SPATA13: variants seen among roughly 807,000 people sequenced by gnomAD.
The protein encoded by SPATA13 is spermatogenesis associated 13.
A neutral mutation model predicts 104.0 loss-of-function variants in SPATA13; 50 were observed. The observed-to-expected ratio is 0.48, with a 90% CI of 0.38 to 0.61. The LOEUF (loss-of-function observed/expected upper bound fraction) is 0.61, where lower values mean the gene tolerates loss of function less well. Ranked by LOEUF, SPATA13 falls within the 20% of genes least tolerant of loss-of-function variation. The pLI is 0.00. For missense variants in SPATA13, 1,524 were observed against 1,690.6 expected (o/e 0.90, Z 1.73); for synonymous variants, 606 against 667.5 (o/e 0.91, Z 1.42).
intron 3 of SPATA13, among the ~76,000 whole-genome samples, chr13:24,027,134 G>GTT (rs59906180): frequency 0.51 from 57,151 of 111,928 alleles, 15,693 homozygotes; most frequent in South Asian, 0.55. Flanking sequence ...TTGTTTAGCC[G>GTT]TTTTTTTTTT....
chr13:24,211,034 T>C (rs1870984308), intron 1 of SPATA13, among the ~76,000 whole-genome samples: 1 of 152,214 alleles, frequency 6.6e-6, no homozygotes, highest in Non-Finnish European at 1.5e-5. Context: ...TTGATTTCTT[T>C]TCAGATAGTA....
At chr13:24,254,649 C>T (rs1873690525) in intron 4 of SPATA13, among the ~76,000 whole-genome samples, 1 of 152,098 alleles carries the variant, frequency 6.6e-6, no homozygotes, top group Non-Finnish European at 1.5e-5. Flanking sequence ...AAATCACCAC[C>T]CCCTCTATTA....
intron 3 of SPATA13, among the ~76,000 whole-genome samples, chr13:24,077,185 A>C (rs191729565): frequency 3.6e-4 from 54 of 150,512 alleles, no homozygotes; most frequent in Middle Eastern, 7.1e-3. Flanking sequence ...GTTCCATTCC[A>C]TAAGTTATCT....
In SPATA13 at chr13:24,165,900, C is replaced by G. The variant is rs527629121; in HGVS notation, c.-112+4968C>G. On this transcript the variant is annotated intron_variant, in intron 1 of 12. Transcript: ENST00000382108. ...AGAGATTGGTAAATGTGCCCTGAGT[C>G]CTAAACAACTTGCACATGTACTTTT... Among the ~76,000 whole-genome samples the G allele has an allele frequency of 2.8e-4, 42 of 152,272 alleles. No individual in the cohort carries two copies. The South Asian group carries it at 4.2e-3, about 15-fold the overall frequency.
At chr13:24,294,703 A>G (rs745991887) in intron 9 of SPATA13, 36 bp from the exon 10 acceptor site, 19 of 1,564,704 alleles carry the variant, frequency 1.2e-5, no homozygotes, top group Non-Finnish European at 1.6e-5. Context: ...TGTAAGGTGC[A>G]TGTTATGTGA....
At chr13:24,078,292 C>A (rs1000065329) in intron 3 of SPATA13, among the ~76,000 whole-genome samples, 1 of 152,150 alleles carries the variant, frequency 6.6e-6, no homozygotes, top group Admixed American at 6.5e-5. Context: ...CTGACCCAAC[C>A]ATTTACTAGT....
chr13:24,052,584 G>C (rs1408861710), intron 3 of SPATA13, among the ~76,000 whole-genome samples: 1 of 151,266 alleles, frequency 6.6e-6, no homozygotes, highest in Non-Finnish European at 1.5e-5. Flanking sequence ...TCACCCTCCC[G>C]TTTCCAGATG....
chr13:24,149,392 G>A (rs1430091973), intron 3 of SPATA13, among the ~76,000 whole-genome samples: 2 of 152,180 alleles, frequency 1.3e-5, no homozygotes, highest in Admixed American at 1.3e-4. Flanking sequence ...CTCACTGTGG[G>A]CTGTGGTCGG....
chr13:24,051,284 G>T lies in SPATA13; in HGVS notation c.-112+33583G>T, dbSNP rs1051312398. 6.6e-6 allele frequency among the ~76,000 whole-genome samples: 1 copy of T among 152,198 alleles called. No homozygotes were observed. The highest frequency in any genetic ancestry group is 6.5e-5 in the Admixed American group (1 of 15,276). On this transcript the variant is annotated intron_variant, in intron 3 of 14. Coordinates refer to the SPATA13 transcript ENST00000424834. The surrounding 1 kb of genome is among the most constrained non-coding windows in gnomAD (Gnocchi z 4.2). The stretch of plus-strand genomic sequence containing the variant: ...AGTGATTTCCAATCACGTTGGACAT[G>T]CTGTGCCTGCAGCCGGCAGGACTTC...
chr13:24,177,014 C>T (rs1353349480), intron 1 of SPATA13, among the ~76,000 whole-genome samples: 1 of 152,202 alleles, frequency 6.6e-6, no homozygotes, highest in Non-Finnish European at 1.5e-5. Flanking sequence ...ATCCACCAGC[C>T]TTGGCCTCCC....
Position 24,160,910 on chromosome 13 carries a change from TCCGCCAAGAGGCG to T in SPATA13, c.-129_-117del. Reference sequence around the variant, plus strand: ...TGTTGGACACGCTGACTTTGTAGGCTCCGCCAAGAGGCGCCGCAGGAGGTAAGACGGCTTCGGG... The same window carrying T: ...TGTTGGACACGCTGACTTTGTAGGCTCCGCAGGAGGTAAGACGGCTTCGGG... On this transcript the variant is annotated 5_prime_UTR_variant, in exon 1 of 13. Coordinates refer to ENST00000382108, the MANE Select transcript of SPATA13 (RefSeq NM_001166271.3). The T allele has an allele frequency of 1.0e-6, 1 of 985,502 alleles. No individual in the cohort carries two copies. Among genetic ancestry groups the T allele is most frequent in the Middle Eastern group, 5.2e-4 (1 of 1,914 alleles). The allele number at this position is 985,502 out of a possible 1,614,324, so 61.0% of individuals were successfully genotyped here.
chr13:24,264,034 G>T (rs1474693257), intron 4 of SPATA13, among the ~76,000 whole-genome samples: 1 of 152,216 alleles, frequency 6.6e-6, no homozygotes, highest in African/African-American at 2.4e-5. Context: ...TAGCTCCATA[G>T]CAGTTATCTT....
chr13:24,194,464 C>T (rs9511133), intron 1 of SPATA13, among the ~76,000 whole-genome samples: 65,100 of 151,962 alleles, frequency 0.43, 16,101 homozygotes, highest in Non-Finnish European at 0.56. Flanking sequence ...AGCGAACCAT[C>T]CAGCTCTGTG....
At chr13:24,173,379 T>C (rs1883071281) in intron 1 of SPATA13, among the ~76,000 whole-genome samples, 1 of 150,934 alleles carries the variant, frequency 6.6e-6, no homozygotes, top group South Asian at 2.1e-4. Context: ...TGTGTGTGTG[T>C]GTGTGTGTGT....
chr13:24,128,735 T>TA (rs10555970), intron 3 of SPATA13, among the ~76,000 whole-genome samples: 1 of 148,324 alleles, frequency 6.7e-6, no homozygotes, highest in Non-Finnish European at 1.5e-5. Context: ...CTACCTTATT[T>TA]AAAAAAAAAA....
intron 3 of SPATA13, among the ~76,000 whole-genome samples, chr13:24,120,801 C>T (rs908689570): frequency 6.6e-6 from 1 of 152,190 alleles, no homozygotes; most frequent in Non-Finnish European, 1.5e-5. Context: ...TTTTCATTGC[C>T]TACCAGGTAC....
Position 24,102,087 on chromosome 13 carries a change from C to T in SPATA13, c.-112+84386C>T, listed in dbSNP as rs376494738. Reference sequence around the variant, plus strand: ...TTTCCATAGCAGCTGCACCATTTTACATTCCCACTAACAGCGCGTAGGGTT... The same window carrying T: ...TTTCCATAGCAGCTGCACCATTTTATATTCCCACTAACAGCGCGTAGGGTT... On this transcript the variant is annotated intron_variant, in intron 3 of 14. Coordinates refer to the SPATA13 transcript ENST00000424834. 5.6e-4 allele frequency among the ~76,000 whole-genome samples: 86 copies of T among 152,338 alleles called. No homozygotes were observed. The South Asian group carries it at 0.013, about 24-fold the overall frequency.
intron 1 of SPATA13, chr13:24,162,539 C>T (rs1882548278): frequency 6.4e-6 from 1 of 155,780 alleles, no homozygotes; most frequent in African/African-American, 2.4e-5. Context: ...AGGACCCTCC[C>T]TTCTGCCACT....
intron 1 of SPATA13, among the ~76,000 whole-genome samples, chr13:23,982,776 C>T (rs1874961718): frequency 6.6e-6 from 1 of 152,186 alleles, no homozygotes; most frequent in African/African-American, 2.4e-5. Context: ...CAGACAGGGT[C>T]ACCCAGAAAG....
Sources: allele counts gnomAD v4.1 joint callset (sites outside exome capture counted in the v4.1 genomes callset), GRCh38; gene constraint gnomAD v4.1.1; non-coding constraint Gnocchi (gnomAD v3.1); transcripts MANE v1.5; gene names NCBI Gene and HGNC (gene_info 2026-07-23, HGNC 2026-07-21).